The following GLT8D2 variants were observed in gnomAD, a reference collection of about 807,000 sequenced individuals.
The protein encoded by GLT8D2 is glycosyltransferase 8 domain-containing protein 2.
Under a neutral mutation model 44.5 loss-of-function variants are expected in GLT8D2, and 45 were observed. The ratio of observed to expected loss-of-function variants is 1.01; its 90% CI spans 0.80 to 1.30. GLT8D2 has a LOEUF of 1.30. Ranked by LOEUF, GLT8D2 falls within the 50% of genes most tolerant of loss-of-function variation. The pLI is 0.00. For synonymous variants in GLT8D2, 156 were observed against 157.2 expected (o/e 0.99, Z 0.06); for missense variants, 400 against 430.4 (o/e 0.93, Z 0.62).
At chr12:104,050,878 G>C (rs1881654171), upstream of GLT8D2, among the ~76,000 whole-genome samples, 2 of 150,090 alleles carry the variant, frequency 1.3e-5, no homozygotes, top group Non-Finnish European at 3.0e-5. Flanking sequence ...GCAGTGATGA[G>C]ATCTCGGCTC....
intron 1 of GLT8D2, among the ~76,000 whole-genome samples, chr12:104,030,196 A>T (rs117441045): frequency 6.6e-6 from 1 of 152,336 alleles, no homozygotes; most frequent in Non-Finnish European, 1.5e-5. Flanking sequence ...CCAGAAATAA[A>T]TCCACGCATA....
intron 5 of GLT8D2, among the ~76,000 whole-genome samples, chr12:104,002,331 C>T (rs1938145667): frequency 6.6e-6 from 1 of 152,064 alleles, no homozygotes; most frequent in African/African-American, 2.4e-5. Flanking sequence ...TATCCTATGC[C>T]CATTTTTTAA....
chr12:104,051,006 G>A (rs1265577772), upstream of GLT8D2, among the ~76,000 whole-genome samples: 1 of 151,784 alleles, frequency 6.6e-6, no homozygotes, highest in Non-Finnish European at 1.5e-5. Flanking sequence ...GTAGAGATGG[G>A]GTTTCGCCAT....
chr12:103,993,325 T>C, intron 10 of GLT8D2, 67 bp downstream of exon 10: 1 of 1,237,180 alleles, frequency 8.1e-7, no homozygotes, highest in Non-Finnish European at 1.2e-6. Context: ...AGCGAGACTC[T>C]GTCTCAAAAA....
At chr12:104,034,156 T>C (rs1009426855) in intron 1 of GLT8D2, among the ~76,000 whole-genome samples, 3 of 152,248 alleles carry the variant, frequency 2.0e-5, no homozygotes, top group Admixed American at 1.3e-4. Flanking sequence ...AAAAATTATG[T>C]ATGCCTGGAT....
intron 1 of GLT8D2, among the ~76,000 whole-genome samples, chr12:104,021,956 G>A (rs7956006): frequency 0.023 from 592 of 25,632 alleles, 42 homozygotes; most frequent in Admixed American, 0.038. Context: ...AAGAAGAAGA[G>A]GAAGAAGAGG....
intron 5 of GLT8D2, among the ~76,000 whole-genome samples, 163 bp downstream of exon 5, chr12:104,002,968 AAGAC>A (rs1874427283): frequency 6.6e-6 from 1 of 151,308 alleles, no homozygotes; most frequent in Non-Finnish European, 1.5e-5. Context: ...GAAAGAGAGA[AAGAC>A]AGAGAGAGAG....
chr12:104,003,227 G>A lies in GLT8D2; in HGVS notation c.192C>T (p.Ala64=), dbSNP rs1265587441. 4 of 1,613,918 alleles carry A rather than the reference G, an allele frequency of 2.5e-6. No homozygotes were observed. The East Asian group carries it at 8.9e-5, about 36-fold the overall frequency. ...AGATGCTATTGATGGCAGCCATAGT[G>A]GCACCCATCCTCCCTGCTGCAGCAC... The part of the protein sequence containing the change: ...VICAAAGRMG[A]TMAAINSIYS... Residue 64 remains alanine (A), a synonymous_variant, in exon 5 of 11, where the codon GCC becomes GCT. Transcript: ENST00000360814.
At chr12:104,041,498 C>T (rs1880549051) in intron 1 of GLT8D2, among the ~76,000 whole-genome samples, 1 of 152,186 alleles carries the variant, frequency 6.6e-6, no homozygotes, top group African/African-American at 2.4e-5. Flanking sequence ...ATTGCTTGAA[C>T]CAGGGAGGCG....
upstream of GLT8D2, among the ~76,000 whole-genome samples, chr12:104,050,807 C>T (rs1881638973): frequency 7.3e-6 from 1 of 137,076 alleles, no homozygotes. Flanking sequence ...GCAAGCCACC[C>T]TGTAATTTTA....
intron 1 of GLT8D2, among the ~76,000 whole-genome samples, chr12:104,021,962 AGAG>A (rs370322005): frequency 0.44 from 22,328 of 50,832 alleles, 6,854 homozygotes; most frequent in Non-Finnish European, 0.52. Context: ...AAGAGGAAGA[AGAG>A]GAAGAGGAAG....
chr12:104,016,774 A>AGAAGGAAGGAAGGAAG (rs1160367285), intron 3 of GLT8D2, among the ~76,000 whole-genome samples: 17 of 58,390 alleles, frequency 2.9e-4, no homozygotes, highest in African/African-American at 1.3e-3. Context: ...AAAGAAAGAA[A>AGAAGGAAGGAAGGAAG]GAAGGAAGGA....
intron 1 of GLT8D2, among the ~76,000 whole-genome samples, chr12:104,048,083 T>G (rs1291236030): frequency 6.6e-6 from 1 of 152,226 alleles, no homozygotes; most frequent in African/African-American, 2.4e-5. Context: ...AGGCCAGATT[T>G]TCTATATACC....
At chr12:104,052,269 G>A (rs1881792155), upstream of GLT8D2, among the ~76,000 whole-genome samples, 2 of 152,252 alleles carry the variant, frequency 1.3e-5, no homozygotes, top group South Asian at 4.2e-4. Context: ...TTTGAAGGTG[G>A]GAGGATCCTG....
At chr12:104,064,420 C>A, upstream of GLT8D2, 1 of 755,092 alleles carries the variant, frequency 1.3e-6, no homozygotes, top group Non-Finnish European at 1.9e-6. This position sits in a 1 kb window ranked among gnomAD's most constrained non-coding sequence, Gnocchi z 7.3. Context: ...CTCTCCACTG[C>A]CCGCGGGCCT....
chr12:104,034,733 A>G (rs2136448670), intron 1 of GLT8D2, among the ~76,000 whole-genome samples: 1 of 152,380 alleles, frequency 6.6e-6, no homozygotes, highest in Non-Finnish European at 1.5e-5. Context: ...AACAAAAGGC[A>G]GCAGAAACTT....
chr12:104,036,873 C>A lies in GLT8D2; in HGVS notation c.-164+13022G>T, dbSNP rs576717820. On this transcript the variant is annotated intron_variant, in intron 1 of 10. Coordinates refer to ENST00000360814, the MANE Select transcript of GLT8D2 (RefSeq NM_001384711.1). ...AACAGAATATACATTTTTCTCAGCA[C>A]CACACTGCACTTATTCCAAAACTGA... 4.6e-5 allele frequency among the ~76,000 whole-genome samples: 7 copies of A among 152,302 alleles called. No homozygotes were observed. In the East Asian group the frequency reaches 1.4e-3, roughly 29 times the overall value.
intron 1 of GLT8D2, among the ~76,000 whole-genome samples, chr12:104,046,825 C>G (rs541324790): frequency 6.6e-6 from 1 of 152,046 alleles, no homozygotes; most frequent in South Asian, 2.1e-4. Flanking sequence ...GAACAGGTGT[C>G]TTACTCCATT....
chr12:104,032,723 T>C (rs1395239410), intron 1 of GLT8D2, among the ~76,000 whole-genome samples: 1 of 152,066 alleles, frequency 6.6e-6, no homozygotes, highest in East Asian at 1.9e-4. Context: ...GGAATGTAAT[T>C]TGGAACAGCC....
Sources: allele counts gnomAD v4.1 joint callset (sites outside exome capture counted in the v4.1 genomes callset), GRCh38; gene constraint gnomAD v4.1.1; non-coding constraint Gnocchi (gnomAD v3.1); transcripts MANE v1.5; gene names NCBI Gene and HGNC (gene_info 2026-07-23, HGNC 2026-07-21).